Variants in DUS4L observed in about 807,000 individuals in gnomAD.
DUS4L encodes dihydrouridine synthase 4 like.
In DUS4L, 31 loss-of-function variants were observed where a neutral mutation model predicts 33.8. The ratio of observed to expected loss-of-function variants is 0.92; its 90% CI spans 0.69 to 1.24. The LOEUF (loss-of-function observed/expected upper bound fraction) is 1.24. DUS4L is among the 50% of genes most tolerant of loss of function. DUS4L has a pLI of 0.00. For synonymous variants in DUS4L, 103 were observed against 120.3 expected, an observed-to-expected ratio of 0.86 and a Z score of 0.94; for missense variants, 368 against 388.6, an observed-to-expected ratio of 0.95 and a Z score of 0.45.
At chr7:107,566,363 G>C (rs1804699519) in intron 2 of DUS4L, among the ~76,000 whole-genome samples, 1 of 152,134 alleles carries the variant, frequency 6.6e-6, no homozygotes, top group Non-Finnish European at 1.5e-5. Flanking sequence ...CTGTGAAATA[G>C]TAGGATTTTA....
chr7:107,577,159 C>A lies in DUS4L; in HGVS notation c.707-154C>A, dbSNP rs577936634. On this transcript the variant is annotated intron_variant, in intron 7 of 7. Coordinates refer to ENST00000265720, the MANE Select transcript of DUS4L (RefSeq NM_181581.3). The stretch of plus-strand genomic sequence containing the variant: ...TTTACAAAAGGTACCAAAATTAATT[C>A]TTTTGTAATCGGATTAAACATATTA... 8.5e-6 allele frequency: 9 copies of A among 1,057,700 alleles called. No homozygotes were observed. In the South Asian group the frequency reaches 1.5e-4, roughly 18 times the overall value. 65.5% of individuals were successfully genotyped at this position (1,057,700 alleles called of 1,614,324 possible).
chr7:107,573,747 AC>A lies in DUS4L; in HGVS notation c.283del (p.Leu95PhefsTer8). ...TTCAGTTTGCTGCTAACGATGCAAGACTTTTATCTGATGCTGCTCGTATAGT... is the reference window on the plus strand; with the variant it reads ...TTCAGTTTGCTGCTAACGATGCAAGATTTTATCTGATGCTGCTCGTATAGT... ...IVQFAANDARLLSDAARIVCP... is the reference protein window; with the variant it reads ...IVQFAANDARXLSDAARIVCP... On this transcript the variant is annotated frameshift_variant, in exon 5 of 8. Transcript: ENST00000265720. LOFTEE classifies it high-confidence loss of function. 6.2e-7 allele frequency: 1 copy of A among 1,611,502 alleles called. No individual in the cohort carries two copies. The highest frequency in any genetic ancestry group is 8.5e-7 in the Non-Finnish European group (1 of 1,178,958).
At chr7:107,576,047 T>A (rs1166618080) in intron 6 of DUS4L, among the ~76,000 whole-genome samples, 1 of 152,202 alleles carries the variant, frequency 6.6e-6, no homozygotes, top group African/African-American at 2.4e-5. Context: ...GATGGGGGCA[T>A]GCACAGCAAA....
chr7:107,563,972 C>T lies in DUS4L; in HGVS notation c.-348C>T. ...GTGGTGACGCAGAATCCCGGCGCCG[C>T]CCGCCCACCCAGCCCATGGCTCCAG... is the stretch of plus-strand genomic sequence containing the variant. On this transcript the variant is annotated 5_prime_UTR_variant, in exon 1 of 8. Transcript: ENST00000265720. The T allele has an allele frequency of 4.4e-6, 3 of 683,002 alleles. No homozygotes were observed. The highest frequency in any genetic ancestry group is 2.1e-5 in the Admixed American group (1 of 46,896). 42.3% of individuals were successfully genotyped at this position (683,002 alleles called of 1,614,324 possible). A position where few individuals can be genotyped will look rare whatever the true frequency, so the allele number is the denominator to read the frequency against.
chr7:107,575,191 G>A lies in DUS4L; in HGVS notation c.360G>A (p.Trp120Ter). The A allele has an allele frequency of 6.2e-7, 1 of 1,606,410 alleles. No individual in the cohort carries two copies. The highest frequency in any genetic ancestry group is 8.5e-7 in the Non-Finnish European group (1 of 1,178,202). The change falls in exon 6 of 8, where the codon TGG becomes TGA. Residue 120 changes from tryptophan (W) to a stop codon, truncating the protein, a stop_gained. Transcript: ENST00000265720. LOFTEE classifies it high-confidence loss of function. ...TTCATGTGTTTGCTTTACAAAGGTG[G>A]GCAATGGCAGAAGGTTATGGGGCTT... ...IDINCGCPQR[W>*]AMAEGYGACL... is the part of the protein sequence containing the mutation.
chr7:107,576,475 GT>G lies in DUS4L; in HGVS notation c.590del (p.Val197GlyfsTer8), dbSNP rs773312443. The part of the protein sequence containing the change: ...GRTAEERHQP[V>X]HYDSIKIIKE... ...AACTGCTGAAGAAAGACATCAGCCA[GT>G]GCACTATGATTCCATTAAAATAATT... is the stretch of plus-strand genomic sequence containing the variant. On this transcript the variant is annotated frameshift_variant, in exon 7 of 8. Coordinates refer to ENST00000265720, the MANE Select transcript of DUS4L (RefSeq NM_181581.3). LOFTEE classifies it high-confidence loss of function. 6.2e-7 allele frequency: 1 copy of G among 1,612,380 alleles called. No individual in the cohort carries two copies. Among genetic ancestry groups the G allele is most frequent in the Non-Finnish European group, 8.5e-7 (1 of 1,179,632 alleles).
intron 2 of DUS4L, among the ~76,000 whole-genome samples, chr7:107,566,767 A>T (rs1457622992): frequency 6.6e-6 from 1 of 151,800 alleles, no homozygotes; most frequent in East Asian, 1.9e-4. Flanking sequence ...AAATAACATG[A>T]AAACTTACAA....
chr7:107,575,911 C>T (rs1012354169), intron 6 of DUS4L, among the ~76,000 whole-genome samples: 5 of 152,202 alleles, frequency 3.3e-5, no homozygotes, highest in African/African-American at 1.2e-4. Flanking sequence ...CAGGCCAGTC[C>T]TGAGCTCCTG....
intron 4 of DUS4L, among the ~76,000 whole-genome samples, chr7:107,572,714 G>C (rs1287588562): frequency 6.6e-6 from 1 of 152,018 alleles, no homozygotes; most frequent in East Asian, 1.9e-4. Context: ...GCTGGCCATG[G>C]TGGCAGGTGC....
chr7:107,576,731 T>A, intron 7 of DUS4L, 139 bp downstream of exon 7: 1 of 773,090 alleles, frequency 1.3e-6, no homozygotes, highest in Non-Finnish European at 1.9e-6. Context: ...CTAAGCGATT[T>A]ATTAAAATGA....
At chr7:107,573,044 A>G (rs1416181994) in intron 4 of DUS4L, among the ~76,000 whole-genome samples, 1 of 152,228 alleles carries the variant, frequency 6.6e-6, no homozygotes, top group Non-Finnish European at 1.5e-5. Flanking sequence ...CTCACAAATT[A>G]GAATATTCAA....
rs922332839 is a variant in DUS4L at position 107,577,597 on chromosome 7, AC to A, written c.*40del. 2 of 1,581,294 alleles carry A rather than the reference AC, an allele frequency of 1.3e-6. No homozygotes were observed. Reference sequence around the variant, plus strand: ...AAATAATTTTAATATATACTTTTAGACCCACAGTGAAACCACAGAAGGTCAT... The same window carrying A: ...AAATAATTTTAATATATACTTTTAGACCACAGTGAAACCACAGAAGGTCAT... On this transcript the variant is annotated 3_prime_UTR_variant, in exon 8 of 8. Transcript: ENST00000265720.
Position 107,576,544 on chromosome 7 carries a change from A to G in DUS4L, c.658A>G (p.Arg220Gly), listed in dbSNP as rs777287265. ...ACCTGTAATTGCTAATGGAGACATC[A>G]GAAGCTTAAAGGAAGCAGAAAATGT... The part of the protein sequence containing the change: ...SIPVIANGDI[R>G]SLKEAENVWR... The change falls in exon 7 of 8, where the codon AGA (arginine) becomes GGA (glycine). Residue 220 changes from arginine to glycine, a missense_variant. By Grantham distance (125) the Arg-to-Gly change is moderately radical. Transcript: ENST00000265720. 4 of 1,598,956 alleles carry G rather than the reference A, an allele frequency of 2.5e-6. No homozygotes were observed. The highest frequency in any genetic ancestry group is 3.4e-6 in the Non-Finnish European group (4 of 1,174,358).
intron 5 of DUS4L, among the ~76,000 whole-genome samples, chr7:107,574,248 C>T (rs1390451455): frequency 6.6e-6 from 1 of 152,010 alleles, no homozygotes; most frequent in African/African-American, 2.4e-5. Context: ...TATAAAAATA[C>T]CTTATTATAA....
At chr7:107,577,159 CTT>C in intron 7 of DUS4L, 152 bp from the exon 8 acceptor site, 1 of 1,057,700 alleles carries the variant, frequency 9.5e-7, no homozygotes, top group East Asian at 2.6e-5. Flanking sequence ...AAAATTAATT[CTT>C]TTGTAATCGG....
intron 3 of DUS4L, chr7:107,570,829 TC>T (rs1805155113): frequency 3.7e-6 from 1 of 269,432 alleles, no homozygotes; most frequent in African/African-American, 2.3e-5. Context: ...CATTGTTGTT[TC>T]CAGGTGGCCA....
intron 3 of DUS4L, chr7:107,567,838 T>G: frequency 2.3e-6 from 1 of 427,122 alleles, no homozygotes; most frequent in Admixed American, 2.7e-5. Context: ...TATTCTACTT[T>G]CTCCCTCTAT....
Position 107,564,091 on chromosome 7 carries a change from T to G in DUS4L, c.-229T>G. Reference sequence around the variant, plus strand: ...GAGCAGTGGGCGCCCAGGGTCCGAGTGCTCTGCGCCCAGCGCACCGAGGGA... The same window carrying G: ...GAGCAGTGGGCGCCCAGGGTCCGAGGGCTCTGCGCCCAGCGCACCGAGGGA... On this transcript the variant is annotated 5_prime_UTR_variant, in exon 1 of 8. Transcript: ENST00000265720. 1.5e-6 allele frequency: 2 copies of G among 1,299,326 alleles called. No individual in the cohort carries two copies. The highest frequency in any genetic ancestry group is 4.1e-5 in the Admixed American group (2 of 49,300). The allele number at this position is 1,299,326 out of a possible 1,614,324, so 80.5% of individuals were successfully genotyped here.
At chr7:107,565,702 T>C (rs928410309) in intron 2 of DUS4L, among the ~76,000 whole-genome samples, 3 of 152,150 alleles carry the variant, frequency 2.0e-5, no homozygotes. Context: ...TTTTATAATT[T>C]TTTTAGAGAT....
Sources: gnomAD v4.1 joint callset for allele counts (sites outside exome capture counted in the v4.1 genomes callset) on GRCh38, gnomAD v4.1.1 for gene constraint, MANE v1.5 for transcripts, NCBI Gene and HGNC (gene_info 2026-07-23, HGNC 2026-07-21) for gene names.